The following GLI3 variants were observed in gnomAD, a reference collection of about 807,000 sequenced individuals.
GLI3 encodes the protein GLI family zinc finger 3.
In GLI3, 20 loss-of-function variants were observed where a neutral mutation model predicts 100.8. The ratio of observed to expected loss-of-function variants is 0.20; its 90% CI spans 0.14 to 0.29. GLI3 has a LOEUF of 0.29. Ranked by LOEUF, GLI3 falls within the 10% of genes least tolerant of loss-of-function variation. The pLI, the probability that GLI3 is intolerant of heterozygous loss-of-function variation, is 1.00. For synonymous variants in GLI3, 938 were observed against 860.5 expected (o/e 1.09, Z -1.58); for missense variants, 2,040 against 2,128.5 (o/e 0.96, Z 0.82).
chr7:42,168,098 A>G (rs1337155781), intron 2 of GLI3, among the ~76,000 whole-genome samples: 1 of 152,242 alleles, frequency 6.6e-6, no homozygotes, highest in Non-Finnish European at 1.5e-5. Context: ...ACTGATAAAG[A>G]AGAAAATAAC....
chr7:42,012,589 T>C (rs1788649666), intron 10 of GLI3, among the ~76,000 whole-genome samples: 1 of 152,184 alleles, frequency 6.6e-6, no homozygotes, highest in African/African-American at 2.4e-5. Flanking sequence ...CCAAAAAGCT[T>C]TGTACAAGTG....
At chr7:42,018,376 G>A (rs868655218) in intron 10 of GLI3, among the ~76,000 whole-genome samples, 2 of 152,204 alleles carry the variant, frequency 1.3e-5, no homozygotes, top group African/African-American at 4.8e-5. Flanking sequence ...ACTAATTTCT[G>A]CCTCATATCT....
intron 6 of GLI3, among the ~76,000 whole-genome samples, chr7:42,042,782 T>C (rs1022396672): frequency 6.6e-6 from 1 of 152,202 alleles, no homozygotes; most frequent in African/African-American, 2.4e-5. Context: ...TTCCTCTCTG[T>C]GTTTTTCCCT....
In GLI3 at chr7:41,965,641, A is replaced by T. The variant is rs375822737; in HGVS notation, c.3432T>A (p.His1144Gln). 1 of 1,612,120 alleles carries T rather than the reference A, an allele frequency of 6.2e-7. No homozygotes were observed. The highest frequency in any genetic ancestry group is 1.3e-5 in the African/African-American group (1 of 74,974). The change falls in exon 15 of 15, where the codon CAT (histidine) becomes CAA (glutamine). Residue 1144 changes from histidine to glutamine, a missense_variant. Transcript: ENST00000395925. ...CCTCGGGGCAGGGCTGCTCGAGGGCATGGAACTGCTGGCCAGCGTGGCTGT... is the reference window on the plus strand; with the variant it reads ...CCTCGGGGCAGGGCTGCTCGAGGGCTTGGAACTGCTGGCCAGCGTGGCTGT... ...LPDSHAGQQF[H>Q]ALEQPCPEGS...
At chr7:42,083,387 G>A (rs1785036651) in intron 3 of GLI3, among the ~76,000 whole-genome samples, 1 of 152,146 alleles carries the variant, frequency 6.6e-6, no homozygotes, top group African/African-American at 2.4e-5. Context: ...CTTTACATCT[G>A]AATAGTACTC....
chr7:42,002,852 T>C (rs749209352), intron 10 of GLI3, among the ~76,000 whole-genome samples: 4 of 152,210 alleles, frequency 2.6e-5, no homozygotes, highest in Non-Finnish European at 5.9e-5. Context: ...GTGACTTGTT[T>C]CCATCATCTG....
intron 3 of GLI3, among the ~76,000 whole-genome samples, chr7:42,127,358 A>G (rs75763176): frequency 0.032 from 4,829 of 152,342 alleles, 101 homozygotes; most frequent in Middle Eastern, 0.055. Context: ...AAACACACTG[A>G]CATGTACTTC....
At chr7:42,234,902 T>G (rs888319501) in intron 1 of GLI3, among the ~76,000 whole-genome samples, 4 of 152,232 alleles carry the variant, frequency 2.6e-5, no homozygotes, top group Admixed American at 2.0e-4. Context: ...AATTTAAATG[T>G]TATTTCATGT....
intron 2 of GLI3, among the ~76,000 whole-genome samples, chr7:42,198,771 T>TACAC (rs906325525): frequency 1.0e-4 from 15 of 150,068 alleles, no homozygotes; most frequent in Non-Finnish European, 1.9e-4. Flanking sequence ...CACACACACA[T>TACAC]ACACACACAC....
chr7:42,203,948 G>A (rs573762196), intron 2 of GLI3, among the ~76,000 whole-genome samples: 46 of 152,038 alleles, frequency 3.0e-4, no homozygotes, highest in Non-Finnish European at 6.0e-4. Context: ...GCAATGAGCC[G>A]AGATCGTGCC....
chr7:42,179,913 C>T (rs1314340044), intron 2 of GLI3, among the ~76,000 whole-genome samples: 1 of 152,198 alleles, frequency 6.6e-6, no homozygotes, highest in African/African-American at 2.4e-5. Flanking sequence ...GATATCCAAA[C>T]AGAAGTGTCT....
At chr7:41,968,092 G>C (rs909138426) in intron 13 of GLI3, among the ~76,000 whole-genome samples, 169 bp from the exon 14 acceptor site, 1 of 152,160 alleles carries the variant, frequency 6.6e-6, no homozygotes, top group Non-Finnish European at 1.5e-5. Flanking sequence ...CCAGAATGAC[G>C]GATGGACCAC....
intron 4 of GLI3, among the ~76,000 whole-genome samples, chr7:42,054,874 A>G (rs6968283): frequency 0.27 from 40,663 of 151,372 alleles, 6,307 homozygotes; most frequent in African/African-American, 0.43. Flanking sequence ...CTACAGTCCC[A>G]GTCCCAGCTA....
chr7:42,169,868 C>G (rs550605724), intron 2 of GLI3, among the ~76,000 whole-genome samples: 1 of 151,988 alleles, frequency 6.6e-6, no homozygotes, highest in South Asian at 2.1e-4. Flanking sequence ...ATTTCAATTA[C>G]TTCTTATATT....
chr7:42,113,551 TA>T (rs2128767524), intron 3 of GLI3: 1 of 1,182,390 alleles, frequency 8.5e-7, no homozygotes, highest in Non-Finnish European at 1.2e-6. Context: ...AGGAGGGGAA[TA>T]ACCCTACAGA....
intron 2 of GLI3, among the ~76,000 whole-genome samples, chr7:42,153,701 A>G (rs1786932768): frequency 6.6e-6 from 1 of 152,220 alleles, no homozygotes; most frequent in African/African-American, 2.4e-5. Flanking sequence ...TAACTTCTAT[A>G]TTGAATGATA....
intron 2 of GLI3, among the ~76,000 whole-genome samples, chr7:42,165,246 T>A (rs1410411864): frequency 6.6e-6 from 1 of 151,340 alleles, no homozygotes; most frequent in Non-Finnish European, 1.5e-5. Flanking sequence ...TTATAGCAGA[T>A]CTGTTACAAA....
chr7:41,997,273 T>C (rs1788153132), intron 10 of GLI3, among the ~76,000 whole-genome samples: 1 of 149,972 alleles, frequency 6.7e-6, no homozygotes, highest in African/African-American at 2.4e-5. Flanking sequence ...GAAGTCCAGC[T>C]TTTTTTTTTC....
intron 3 of GLI3, among the ~76,000 whole-genome samples, chr7:42,120,798 T>C (rs749492103): frequency 1.4e-4 from 21 of 152,214 alleles, no homozygotes; most frequent in Non-Finnish European, 2.5e-4. Flanking sequence ...AGCTTAACTT[T>C]TTTTCTACAT....
Sources: gnomAD v4.1 joint callset for allele counts (sites outside exome capture counted in the v4.1 genomes callset) on GRCh38, gnomAD v4.1.1 for gene constraint, MANE v1.5 for transcripts, NCBI Gene and HGNC (gene_info 2026-07-23, HGNC 2026-07-21) for gene names.